The following PAN3 variants were observed in gnomAD, a reference collection of about 807,000 sequenced individuals.
PAN3 encodes poly(A) specific ribonuclease subunit PAN3, also known as PAN2-PAN3 deadenylation complex subunit PAN3.
PAN3 carries 19 observed loss-of-function variants against 96.2 expected under a neutral mutation model. That is an observed-to-expected ratio of 0.20 (90% CI 0.14 to 0.29). The LOEUF (loss-of-function observed/expected upper bound fraction) is 0.29, where lower values mean the gene tolerates loss of function less well. Ranked by LOEUF, PAN3 falls within the 10% of genes least tolerant of loss-of-function variation. The pLI is 1.00. For synonymous variants in PAN3, 433 were observed against 406.6 expected, an observed-to-expected ratio of 1.06 and a Z score of -0.78; for missense variants, 882 against 1,108.1, an observed-to-expected ratio of 0.80 and a Z score of 2.90.
chr13:28,289,529 C>A (rs989418566), intron 18 of PAN3, among the ~76,000 whole-genome samples: 3 of 152,166 alleles, frequency 2.0e-5, no homozygotes, highest in Non-Finnish European at 4.4e-5. Context: ...CCACCCACCC[C>A]CAAAGTGTTG....
chr13:28,206,347 A>G (rs1593471520), intron 5 of PAN3, among the ~76,000 whole-genome samples: 1 of 123,184 alleles, frequency 8.1e-6, no homozygotes. Context: ...TTTGAGACAG[A>G]GTTTCGCACT....
chr13:28,201,952 G>T (rs1034036299), intron 5 of PAN3, among the ~76,000 whole-genome samples: 7 of 152,006 alleles, frequency 4.6e-5, no homozygotes, highest in African/African-American at 1.7e-4. Context: ...TTACTGCTTC[G>T]CATATATTCT....
At chr13:28,146,872 G>C (rs532061326) in intron 1 of PAN3, among the ~76,000 whole-genome samples, 3 of 152,218 alleles carry the variant, frequency 2.0e-5, no homozygotes, top group Admixed American at 6.5e-5. Flanking sequence ...TTACTAGGGA[G>C]GCTGAGGCAG....
chr13:28,248,478 A>C (rs1566226055), intron 6 of PAN3, among the ~76,000 whole-genome samples: 1 of 151,924 alleles, frequency 6.6e-6, no homozygotes, highest in Non-Finnish European at 1.5e-5. Flanking sequence ...AAGTGATGAA[A>C]ATGGGCATCT....
At chr13:28,285,262 C>T (rs951353081) in intron 17 of PAN3, among the ~76,000 whole-genome samples, 5 of 152,088 alleles carry the variant, frequency 3.3e-5, no homozygotes, top group Non-Finnish European at 7.4e-5. Flanking sequence ...AGTTTCCTTC[C>T]CAGTTTCTAT....
intron 1 of PAN3, among the ~76,000 whole-genome samples, chr13:28,145,855 G>A (rs1870558990): frequency 6.6e-6 from 1 of 151,276 alleles, no homozygotes; most frequent in African/African-American, 2.4e-5. Context: ...CACCTCCCAG[G>A]TTCAAGTGAT....
Position 28,292,530 on chromosome 13 carries a change from TA to T in PAN3, c.*14del. ...GCAAATGGTCAGTTGTAGTATTTGC[TA>T]AAAAAGCACGCAGGACATGGCTAAA... On this transcript the variant is annotated 3_prime_UTR_variant, in exon 19 of 19. Transcript: ENST00000380958. 1.9e-6 allele frequency: 3 copies of T among 1,602,016 alleles called. No homozygotes were observed. The highest frequency in any genetic ancestry group is 1.7e-5 in the Admixed American group (1 of 57,998).
chr13:28,216,226 A>G (rs552815414), intron 5 of PAN3, among the ~76,000 whole-genome samples: 1 of 151,640 alleles, frequency 6.6e-6, no homozygotes, highest in East Asian at 1.9e-4. Context: ...GGTAAAAAAT[A>G]CATATATGTG....
chr13:28,157,291 G>C (rs139478840), intron 1 of PAN3, among the ~76,000 whole-genome samples: 1 of 152,210 alleles, frequency 6.6e-6, no homozygotes, highest in East Asian at 1.9e-4. Context: ...GCAAAAGCTT[G>C]AGAACTGGAA....
chr13:28,267,534 T>C, intron 12 of PAN3, 133 bp downstream of exon 12: 1 of 737,486 alleles, frequency 1.4e-6, no homozygotes, highest in African/African-American at 1.8e-5. Flanking sequence ...CATTTTGTAC[T>C]AGTTGTTTTC....
At chr13:28,179,291 A>C (rs1029656671) in intron 4 of PAN3, among the ~76,000 whole-genome samples, 1 of 152,272 alleles carries the variant, frequency 6.6e-6, no homozygotes, top group African/African-American at 2.4e-5. Flanking sequence ...AACAATGTGG[A>C]AGCAAGCAGT....
chr13:28,266,364 A>G (rs1394587250), intron 9 of PAN3, among the ~76,000 whole-genome samples: 2 of 152,198 alleles, frequency 1.3e-5, no homozygotes, highest in African/African-American at 2.4e-5. Context: ...ATGTTTTTTT[A>G]TTATAAACCT....
At chr13:28,274,318 T>C (rs1886882674) in intron 14 of PAN3, among the ~76,000 whole-genome samples, 1 of 152,202 alleles carries the variant, frequency 6.6e-6, no homozygotes, top group Non-Finnish European at 1.5e-5. Context: ...TTAATTTTTC[T>C]TTATGACCTT....
chr13:28,167,908 C>G (rs1485318469), intron 1 of PAN3, among the ~76,000 whole-genome samples: 4 of 152,250 alleles, frequency 2.6e-5, no homozygotes, highest in African/African-American at 9.6e-5. Context: ...TTAAGAGAAG[C>G]AATATAGCAT....
chr13:28,248,267 C>T (rs1884394945), intron 6 of PAN3, among the ~76,000 whole-genome samples: 1 of 152,094 alleles, frequency 6.6e-6, no homozygotes, highest in Admixed American at 6.5e-5. Context: ...AAGTTGGTTT[C>T]ATATCCTGAA....
At chr13:28,236,423 AACATATACCCCTTT>A (rs1212425123) in intron 6 of PAN3, among the ~76,000 whole-genome samples, 20 of 152,246 alleles carry the variant, frequency 1.3e-4, no homozygotes, top group Admixed American at 1.3e-3. Context: ...AGGAGATTCT[AACATATACCCCTTT>A]ACATCTAGAG....
At chr13:28,202,213 T>G (rs1362943246) in intron 5 of PAN3, among the ~76,000 whole-genome samples, 1 of 152,206 alleles carries the variant, frequency 6.6e-6, no homozygotes, top group Non-Finnish European at 1.5e-5. Flanking sequence ...AATTGGGCCT[T>G]AGGAAAGCTT....
At chr13:28,198,749 A>G (rs898506719) in intron 5 of PAN3, among the ~76,000 whole-genome samples, 20 of 152,222 alleles carry the variant, frequency 1.3e-4, no homozygotes, top group African/African-American at 4.8e-4. Flanking sequence ...AAAGCCTATA[A>G]TCCCACATGT....
intron 17 of PAN3, 118 bp downstream of exon 17, chr13:28,281,497 T>C: frequency 1.1e-6 from 1 of 939,566 alleles, no homozygotes; most frequent in Admixed American, 2.6e-5. Flanking sequence ...TGAAGTGACC[T>C]TAAGATTGTG....
Sources: gnomAD v4.1 joint callset for allele counts (sites outside exome capture counted in the v4.1 genomes callset) on GRCh38, gnomAD v4.1.1 for gene constraint, MANE v1.5 for transcripts, NCBI Gene and HGNC (gene_info 2026-07-23, HGNC 2026-07-21) for gene names.